Variants in TENM2 observed in about 807,000 individuals in gnomAD.
The protein encoded by TENM2 is teneurin-2.
Under a neutral mutation model 245.2 loss-of-function variants are expected in TENM2, and 52 were observed. The observed-to-expected ratio is 0.21, with a 90% CI of 0.17 to 0.27. The LOEUF (loss-of-function observed/expected upper bound fraction) is 0.27. Ranked by LOEUF, TENM2 falls within the 10% of genes least tolerant of loss-of-function variation. The pLI is 1.00. For synonymous variants in TENM2, 1,363 were observed against 1,438.9 expected (o/e 0.95, Z 1.19); for missense variants, 3,046 against 3,666.8 (o/e 0.83, Z 4.37).
intron 5 of TENM2, among the ~76,000 whole-genome samples, chr5:168,006,912 G>A (rs1402058612): frequency 6.6e-6 from 1 of 152,152 alleles, no homozygotes; most frequent in Non-Finnish European, 1.5e-5. Context: ...GGTTCCACCT[G>A]GGTGCCTGCC....
the TENM2 span, among the ~76,000 whole-genome samples, chr5:167,257,988 C>T: frequency 6.6e-6 from 1 of 151,540 alleles, no homozygotes; most frequent in South Asian, 2.1e-4. Context: ...AATCATGAAG[C>T]CATAGTGGGG....
At chr5:168,238,956 G>C (rs1338913644) in intron 25 of TENM2, among the ~76,000 whole-genome samples, 1 of 152,192 alleles carries the variant, frequency 6.6e-6, no homozygotes, top group African/African-American at 2.4e-5. Context: ...AGCCGACTGG[G>C]AAGGGAATCG....
At chr5:167,004,828 G>A in the TENM2 span, among the ~76,000 whole-genome samples, 8 of 152,270 alleles carry the variant, frequency 5.3e-5, no homozygotes, top group Admixed American at 2.0e-4. Context: ...ACTGTGCAGC[G>A]TGCTTGTGCA....
intron 5 of TENM2, among the ~76,000 whole-genome samples, chr5:168,002,607 G>A (rs1784495422): frequency 6.6e-6 from 1 of 152,080 alleles, no homozygotes; most frequent in African/African-American, 2.4e-5. Flanking sequence ...CAGACTTCTG[G>A]GACATTAGCT....
chr5:167,133,209 A>C, the TENM2 span, among the ~76,000 whole-genome samples: 2 of 151,970 alleles, frequency 1.3e-5, no homozygotes, highest in Non-Finnish European at 2.9e-5. Context: ...GGGAAGGAGG[A>C]AGGATGGGAG....
intron 2 of TENM2, among the ~76,000 whole-genome samples, chr5:167,723,618 C>T (rs1219917886): frequency 6.6e-6 from 1 of 152,180 alleles, no homozygotes; most frequent in Admixed American, 6.5e-5. Context: ...TTTGGTTGCA[C>T]CCCTGGACTT....
chr5:167,881,807 C>T (rs188232119), intron 3 of TENM2, among the ~76,000 whole-genome samples: 1 of 152,288 alleles, frequency 6.6e-6, no homozygotes, highest in East Asian at 1.9e-4. Context: ...CCTCTTGCCC[C>T]AAATGCAGAG....
chr5:167,837,838 G>C (rs948965269), intron 2 of TENM2, among the ~76,000 whole-genome samples: 2 of 151,216 alleles, frequency 1.3e-5, no homozygotes, highest in South Asian at 4.2e-4. Flanking sequence ...ACGCTCTTAC[G>C]CATTTGCAGT....
At chr5:167,799,813 A>C (rs1765577535) in intron 2 of TENM2, among the ~76,000 whole-genome samples, 1 of 152,186 alleles carries the variant, frequency 6.6e-6, no homozygotes, top group South Asian at 2.1e-4. Flanking sequence ...CCCCAGTCTA[A>C]ATACATTATC....
intron 2 of TENM2, among the ~76,000 whole-genome samples, chr5:167,526,598 CAAT>C (rs1771141307): frequency 6.6e-6 from 1 of 151,620 alleles, no homozygotes; most frequent in Non-Finnish European, 1.5e-5. Context: ...ACTTTAGAAT[CAAT>C]ATATATTTTT....
intron 4 of TENM2, among the ~76,000 whole-genome samples, chr5:167,989,294 G>GATAGAT (rs1190067603): frequency 6.6e-6 from 1 of 151,102 alleles, no homozygotes; most frequent in East Asian, 1.9e-4. Context: ...GAGAGAGAGA[G>GATAGAT]AGAGAGATAG....
At chr5:168,195,578 G>A (rs1191065486) in intron 15 of TENM2, among the ~76,000 whole-genome samples, 3 of 128,790 alleles carry the variant, frequency 2.3e-5, no homozygotes, top group Middle Eastern at 3.3e-3. Flanking sequence ...GTGTGTGTGT[G>A]TGTGTGTGTG....
chr5:167,713,406 ATCT>A (rs553572718), intron 2 of TENM2, among the ~76,000 whole-genome samples: 37 of 151,590 alleles, frequency 2.4e-4, no homozygotes, highest in African/African-American at 7.7e-4. Context: ...GGCTGGTACT[ATCT>A]TCCTGGTGAA....
chr5:167,110,165 C>A, the TENM2 span, among the ~76,000 whole-genome samples: 34 of 152,276 alleles, frequency 2.2e-4, no homozygotes, highest in African/African-American at 7.0e-4. Flanking sequence ...TTTGGCTAAT[C>A]CTTTTTATGT....
chr5:168,135,636 T>G (rs1010961555), intron 12 of TENM2, among the ~76,000 whole-genome samples: 1 of 152,160 alleles, frequency 6.6e-6, no homozygotes, highest in African/African-American at 2.4e-5. Flanking sequence ...AATTTAAGTA[T>G]TTCATCATAA....
chr5:167,450,745 C>A (rs1765526389), intron 2 of TENM2, among the ~76,000 whole-genome samples: 1 of 152,170 alleles, frequency 6.6e-6, no homozygotes, highest in Non-Finnish European at 1.5e-5. Context: ...CATGTATGTT[C>A]TCAACTTTCC....
At chr5:167,071,997 G>T in the TENM2 span, among the ~76,000 whole-genome samples, 1 of 151,792 alleles carries the variant, frequency 6.6e-6, no homozygotes, top group Non-Finnish European at 1.5e-5. Context: ...GAGTGGTTGG[G>T]AAGATGCAGC....
At chr5:167,864,653 C>T (rs1209065823) in intron 2 of TENM2, among the ~76,000 whole-genome samples, 1 of 152,188 alleles carries the variant, frequency 6.6e-6, no homozygotes, top group Non-Finnish European at 1.5e-5. Flanking sequence ...TAATTAAATT[C>T]TCTGTGCACT....
chr5:166,979,415 C>T, the TENM2 span, among the ~76,000 whole-genome samples: 2 of 151,854 alleles, frequency 1.3e-5, no homozygotes, highest in Admixed American at 1.3e-4. Context: ...TGTGTGTTGC[C>T]CCCTCGAAGT....
Sources: gnomAD v4.1 joint callset for allele counts (sites outside exome capture counted in the v4.1 genomes callset) on GRCh38, gnomAD v4.1.1 for gene constraint, MANE v1.5 for transcripts, NCBI Gene and HGNC (gene_info 2026-07-23, HGNC 2026-07-21) for gene names.